The following RNF4 variants were observed in gnomAD, a reference collection of about 807,000 sequenced individuals.
RNF4 encodes E3 ubiquitin-protein ligase RNF4.
A neutral mutation model predicts 24.3 loss-of-function variants in RNF4; 7 were observed. That is an observed-to-expected ratio of 0.29 (90% CI 0.16 to 0.54). The LOEUF is 0.54. Ranked by LOEUF, RNF4 falls within the 20% of genes least tolerant of loss-of-function variation. The pLI is 0.95. For missense variants in RNF4, 209 were observed against 248.5 expected (o/e 0.84, Z 1.07); for synonymous variants, 83 against 84.3 (o/e 0.98, Z 0.09).
At chr4:2,509,953 C>T (rs1048403134) in intron 4 of RNF4, among the ~76,000 whole-genome samples, 1 of 152,200 alleles carries the variant, frequency 6.6e-6, no homozygotes, top group Non-Finnish European at 1.5e-5. Context: ...AGGGCCAGCA[C>T]TGTTACCAGA....
At position 2,515,774 on chromosome 4, in the gene RNF4, TA is replaced by T. The variant is rs1736399002; in HGVS notation, c.*1958del. The T allele has an allele frequency of 6.6e-6, 1 of 152,648 alleles. No individual in the cohort carries two copies. The highest frequency in any genetic ancestry group is 2.4e-5 in the African/African-American group (1 of 41,464). 9.5% of individuals were successfully genotyped at this position (152,648 alleles called of 1,614,324 possible). ...AGTTCAACTCTTTCTTTGTTACATT[TA>T]AACTATATCCATGGATATCAGTCTG... On this transcript the variant is annotated 3_prime_UTR_variant, in exon 8 of 8. Transcript: ENST00000314289.
rs780396624 is a variant in RNF4 at position 2,490,458 on chromosome 4, C to T, written c.-36C>T. On this transcript the variant is annotated 5_prime_UTR_variant, in exon 2 of 8. Transcript: ENST00000314289. The stretch of plus-strand genomic sequence containing the variant: ...TGCAAACCTTGGTATAGATCACTTC[C>T]TTTTCTGTAGGAAAGGAAAGGCACC... 1 of 1,610,608 alleles carries T rather than the reference C, an allele frequency of 6.2e-7. No homozygotes were observed. The highest frequency in any genetic ancestry group is 1.7e-5 in the Admixed American group (1 of 59,722).
intron 4 of RNF4, among the ~76,000 whole-genome samples, chr4:2,510,684 C>T (rs1322828196): frequency 6.6e-6 from 1 of 152,230 alleles, no homozygotes; most frequent in Non-Finnish European, 1.5e-5. Context: ...ATGTCCTGCC[C>T]AGGGGACAGG....
Position 2,512,966 on chromosome 4 carries a change from G to A in RNF4, c.375-117G>A, listed in dbSNP as rs1248322245. ...AAGTCTCTCGGATGCCCGCGCTAAG[G>A]CAGAGTCAGGAGGCCAGGGACGGGA... On this transcript the variant is annotated intron_variant, in intron 6 of 7. Transcript: ENST00000314289. This position sits in a 1 kb window ranked among gnomAD's most constrained non-coding sequence, Gnocchi z 4.1. 5.0e-6 allele frequency: 5 copies of A among 1,005,154 alleles called. No individual in the cohort carries two copies. Among genetic ancestry groups the A allele is most frequent in the Admixed American group, 3.6e-5 (2 of 55,052 alleles). The allele number at this position is 1,005,154 out of a possible 1,614,324, so 62.3% of individuals were successfully genotyped here. A position where few individuals can be genotyped will look rare whatever the true frequency, so the allele number is the denominator to read the frequency against.
intron 3 of RNF4, among the ~76,000 whole-genome samples, chr4:2,500,147 ACT>A (rs1250396093): frequency 2.2e-5 from 3 of 134,476 alleles, no homozygotes; most frequent in African/African-American, 5.8e-5. Flanking sequence ...ACAGAGCGAG[ACT>A]CTGTCTCAAA....
intron 2 of RNF4, among the ~76,000 whole-genome samples, chr4:2,490,949 G>T (rs749380758): frequency 2.0e-5 from 3 of 152,188 alleles, no homozygotes; most frequent in Non-Finnish European, 4.4e-5. Context: ...GTAGCCAGGC[G>T]TGGTGGGGCG....
In RNF4 at chr4:2,505,723, C is replaced by CTTTTTT. The variant is rs67508332; in HGVS notation, c.204+5010_204+5015dup. 2.0e-4 allele frequency: 10 copies of CTTTTTT among 50,634 alleles called. 2 individuals are homozygous for CTTTTTT. Among genetic ancestry groups the CTTTTTT allele is most frequent in the East Asian group, 7.9e-4 (1 of 1,268 alleles). The allele number at this position is 50,634 out of a possible 1,614,324, so 3.1% of individuals were successfully genotyped here. A position where few individuals can be genotyped will look rare whatever the true frequency, so the allele number is the denominator to read the frequency against. On this transcript the variant is annotated intron_variant, in intron 4 of 7. Coordinates refer to ENST00000314289, the MANE Select transcript of RNF4 (RefSeq NM_002938.5). Reference sequence around the variant, plus strand: ...AACATGAGCTTCAATCATGGTCTGCCTTTTTTTTTTTTTTTTTTTTTTTTT... The same window carrying CTTTTTT: ...AACATGAGCTTCAATCATGGTCTGCCTTTTTTTTTTTTTTTTTTTTTTTTTTTTTTT...
In RNF4 at chr4:2,478,752, G is replaced by A. The variant is rs559626405; in HGVS notation, c.-158+9494G>A. 3.1e-4 allele frequency among the ~76,000 whole-genome samples: 47 copies of A among 152,370 alleles called. No homozygotes were observed. In the South Asian group the frequency reaches 9.1e-3, roughly 30 times the overall value. On this transcript the variant is annotated intron_variant, in intron 1 of 7. Transcript: ENST00000314289. Reference sequence around the variant, plus strand: ...CCAGGCAGAAGTTTGCTGCAGGGGCGGGACACTCATGGAGAACCTCCGCTA... The same window carrying A: ...CCAGGCAGAAGTTTGCTGCAGGGGCAGGACACTCATGGAGAACCTCCGCTA...
At position 2,512,027 on chromosome 4, in the gene RNF4, G is replaced by T. The variant is rs369955486; in HGVS notation, c.214+62G>T. ...GAGGAAACTGGCATAGGTGAGAGCC[G>T]CGGTGCTGCAGGTCTTGCCAGACCA... On this transcript the variant is annotated intron_variant, in intron 5 of 7. Coordinates refer to ENST00000314289, the MANE Select transcript of RNF4 (RefSeq NM_002938.5). The surrounding 1 kb of genome is among the most constrained non-coding windows in gnomAD (Gnocchi z 4.1). The T allele has an allele frequency of 2.6e-6, 4 of 1,523,746 alleles. No individual in the cohort carries two copies. The African/African-American group carries it at 5.5e-5, about 21-fold the overall frequency. 94.4% of individuals were successfully genotyped at this position (1,523,746 alleles called of 1,614,324 possible).
intron 1 of RNF4, among the ~76,000 whole-genome samples, chr4:2,470,306 G>A (rs981029517): frequency 8.5e-5 from 13 of 152,188 alleles, no homozygotes; most frequent in Non-Finnish European, 1.6e-4. Context: ...CATTGACCAG[G>A]AGTTTTGGGA....
At chr4:2,478,488 G>C (rs1735149969) in intron 1 of RNF4, among the ~76,000 whole-genome samples, 1 of 152,204 alleles carries the variant, frequency 6.6e-6, no homozygotes, top group African/African-American at 2.4e-5. Flanking sequence ...TCCTGGGCTG[G>C]GCCCAGGGTT....
At chr4:2,472,782 G>C (rs1033233790) in intron 1 of RNF4, among the ~76,000 whole-genome samples, 11 of 151,998 alleles carry the variant, frequency 7.2e-5, no homozygotes, top group South Asian at 2.1e-4. Flanking sequence ...TGGCTCACCC[G>C]TGTAATCCCA....
intron 4 of RNF4, among the ~76,000 whole-genome samples, chr4:2,503,919 A>G (rs1426343579): frequency 6.6e-6 from 1 of 152,192 alleles, no homozygotes; most frequent in East Asian, 1.9e-4. Context: ...ATCCAGAGGT[A>G]GCCGTCAGAA....
At chr4:2,509,416 C>A (rs1271135200) in intron 4 of RNF4, among the ~76,000 whole-genome samples, 1 of 152,068 alleles carries the variant, frequency 6.6e-6, no homozygotes, top group Non-Finnish European at 1.5e-5. Context: ...CAGGGTTTCA[C>A]CATGTTGGTC....
At chr4:2,506,050 C>T (rs558803553) in intron 4 of RNF4, 1 of 152,312 alleles carries the variant, frequency 6.6e-6, no homozygotes, top group South Asian at 2.1e-4. Context: ...GAACAGTCAG[C>T]TTGAGTTTTC....
At chr4:2,513,034 A>T in intron 6 of RNF4, 49 bp from the exon 7 acceptor site, 1 of 1,577,500 alleles carries the variant, frequency 6.3e-7, no homozygotes, top group Non-Finnish European at 8.7e-7. Flanking sequence ...AGGGTATAAT[A>T]AAATGTTTGC....
At chr4:2,479,455 G>A (rs1180584533) in intron 1 of RNF4, among the ~76,000 whole-genome samples, 2 of 152,106 alleles carry the variant, frequency 1.3e-5, no homozygotes, top group East Asian at 1.9e-4. Flanking sequence ...GGAGGGACCC[G>A]GTGGGAGGTA....
At chr4:2,483,811 A>T (rs1263337836) in intron 1 of RNF4, among the ~76,000 whole-genome samples, 1 of 151,948 alleles carries the variant, frequency 6.6e-6, no homozygotes, top group East Asian at 1.9e-4. Flanking sequence ...CTCAAAAAAA[A>T]ATTATTTGTT....
intron 1 of RNF4, among the ~76,000 whole-genome samples, chr4:2,476,084 A>G (rs960667184): frequency 6.6e-6 from 1 of 152,160 alleles, no homozygotes; most frequent in African/African-American, 2.4e-5. Flanking sequence ...CAGTAACTGT[A>G]TTGTATTCCT....
Sources: gnomAD v4.1 joint callset for allele counts (sites outside exome capture counted in the v4.1 genomes callset) on GRCh38, gnomAD v4.1.1 for gene constraint, Gnocchi (gnomAD v3.1) non-coding constraint, MANE v1.5 for transcripts, NCBI Gene and HGNC (gene_info 2026-07-23, HGNC 2026-07-21) for gene names.